The following CTNND2 variants were observed in gnomAD, a reference collection of about 807,000 sequenced individuals.
The protein encoded by CTNND2 is catenin delta 2.
Under a neutral mutation model 144.4 loss-of-function variants are expected in CTNND2, and 22 were observed. The observed-to-expected ratio is 0.15, with a 90% CI of 0.11 to 0.22. CTNND2 has a LOEUF of 0.22. Ranked by LOEUF, CTNND2 falls within the 10% of genes least tolerant of loss-of-function variation. CTNND2 has a pLI of 1.00. For synonymous variants in CTNND2, 751 were observed against 695.6 expected, an observed-to-expected ratio of 1.08 and a Z score of -1.25; for missense variants, 1,353 against 1,618.8, an observed-to-expected ratio of 0.84 and a Z score of 2.82.
At chr5:11,816,368 T>C (rs1792655860) in intron 1 of CTNND2, among the ~76,000 whole-genome samples, 1 of 151,768 alleles carries the variant, frequency 6.6e-6, no homozygotes, top group South Asian at 2.1e-4. Flanking sequence ...AAACCAGATG[T>C]GGTTGGGAGA....
At chr5:11,817,577 C>T (rs1004273585) in intron 1 of CTNND2, among the ~76,000 whole-genome samples, 4 of 151,646 alleles carry the variant, frequency 2.6e-5, no homozygotes, top group Middle Eastern at 3.4e-3. Context: ...AGGGGGGAAG[C>T]GGAGGGGACA....
intron 3 of CTNND2, among the ~76,000 whole-genome samples, chr5:11,542,760 T>C (rs1774871304): frequency 6.6e-6 from 1 of 152,358 alleles, no homozygotes; most frequent in Middle Eastern, 3.4e-3. Context: ...CAAAGCCTTA[T>C]GCCACTTCTT....
chr5:11,516,634 T>C (rs1772186113), intron 3 of CTNND2, among the ~76,000 whole-genome samples: 1 of 152,100 alleles, frequency 6.6e-6, no homozygotes, highest in Non-Finnish European at 1.5e-5. Context: ...GTGCAAAATG[T>C]ATATCATGAA....
At chr5:11,299,881 A>C (rs1580836532) in intron 9 of CTNND2, among the ~76,000 whole-genome samples, 1 of 152,210 alleles carries the variant, frequency 6.6e-6, no homozygotes, top group African/African-American at 2.4e-5. Flanking sequence ...GATCTGGCAA[A>C]GGCAGGTAGC....
intron 1 of CTNND2, among the ~76,000 whole-genome samples, chr5:11,852,727 T>G (rs746695052): frequency 6.6e-6 from 1 of 152,322 alleles, no homozygotes; most frequent in East Asian, 1.9e-4. Context: ...GAAACAGAAG[T>G]AAGCAGAGAA....
At chr5:11,460,032 T>C (rs1331900681) in intron 3 of CTNND2, among the ~76,000 whole-genome samples, 2 of 152,220 alleles carry the variant, frequency 1.3e-5, no homozygotes, top group East Asian at 3.8e-4. Context: ...AATATTTGCC[T>C]ATCATGTTGA....
At chr5:11,478,017 C>G (rs549821653) in intron 3 of CTNND2, among the ~76,000 whole-genome samples, 2 of 152,302 alleles carry the variant, frequency 1.3e-5, no homozygotes, top group South Asian at 2.1e-4. Context: ...CAAATTCACT[C>G]AGCCAAAAAC....
intron 18 of CTNND2, 143 bp from the exon 19 acceptor site, chr5:10,992,820 G>A: frequency 1.7e-6 from 2 of 1,148,900 alleles, no homozygotes; most frequent in Non-Finnish European, 2.5e-6. Context: ...GCGCTCTCAT[G>A]GAGGTGAACA....
intron 1 of CTNND2, among the ~76,000 whole-genome samples, chr5:11,797,152 A>G (rs1357586162): frequency 6.6e-6 from 1 of 152,212 alleles, no homozygotes; most frequent in Non-Finnish European, 1.5e-5. Context: ...TTTTTCCTAA[A>G]TGAGATCTCC....
intron 2 of CTNND2, among the ~76,000 whole-genome samples, chr5:11,586,375 G>C (rs1180238336): frequency 6.6e-6 from 1 of 152,008 alleles, no homozygotes; most frequent in Non-Finnish European, 1.5e-5. Context: ...TTTTATATGT[G>C]GCAATTCAAT....
At chr5:11,660,979 A>C (rs1431509509) in intron 2 of CTNND2, among the ~76,000 whole-genome samples, 1 of 152,160 alleles carries the variant, frequency 6.6e-6, no homozygotes, top group Non-Finnish European at 1.5e-5. Flanking sequence ...AAACATGGCT[A>C]CTCAGTTGCT....
chr5:11,304,794 T>C (rs1561186736), intron 9 of CTNND2, among the ~76,000 whole-genome samples: 2 of 152,196 alleles, frequency 1.3e-5, no homozygotes, highest in Admixed American at 6.5e-5. Flanking sequence ...TCAGCTTCTT[T>C]TCCTCCTTTT....
chr5:10,983,477 C>T (rs1737554352), intron 20 of CTNND2, among the ~76,000 whole-genome samples: 1 of 152,112 alleles, frequency 6.6e-6, no homozygotes, highest in African/African-American at 2.4e-5. Context: ...TCACTCCACC[C>T]ATGATTTTTT....
intron 2 of CTNND2, among the ~76,000 whole-genome samples, chr5:11,624,506 T>A (rs1372812654): frequency 1.3e-5 from 2 of 152,110 alleles, no homozygotes; most frequent in African/African-American, 4.8e-5. Context: ...TGGACAATGA[T>A]CAGTCAAAAT....
rs905904824 is a variant in CTNND2, at chr5:11,723,948, C to T, written c.174+8188G>A. 4.0e-5 allele frequency among the ~76,000 whole-genome samples: 6 copies of T among 151,732 alleles called. No individual in the cohort carries two copies. In the South Asian group the frequency reaches 6.3e-4, roughly 16 times the overall value. Reference sequence around the variant, plus strand: ...GCGGGCACCTGTAGTCCCAGCTGCTCGGGAGCTGTGGCAGAAGAATGGTGT... The same window carrying T: ...GCGGGCACCTGTAGTCCCAGCTGCTTGGGAGCTGTGGCAGAAGAATGGTGT... On this transcript the variant is annotated intron_variant, in intron 2 of 21. Coordinates refer to ENST00000304623, the MANE Select transcript of CTNND2 (RefSeq NM_001332.4).
chr5:11,041,838 T>A (rs1047041899), intron 16 of CTNND2, among the ~76,000 whole-genome samples: 1 of 152,222 alleles, frequency 6.6e-6, no homozygotes, highest in African/African-American at 2.4e-5. Context: ...AGGTGCTATG[T>A]TATAAATAGG....
At chr5:11,554,302 A>G (rs549844819) in intron 3 of CTNND2, among the ~76,000 whole-genome samples, 21 of 152,194 alleles carry the variant, frequency 1.4e-4, no homozygotes, top group African/African-American at 4.8e-4. Context: ...AAAGAAGCAG[A>G]ATATCAGTTC....
intron 2 of CTNND2, among the ~76,000 whole-genome samples, chr5:11,638,834 A>G (rs1250526630): frequency 6.6e-6 from 1 of 152,108 alleles, no homozygotes; most frequent in Non-Finnish European, 1.5e-5. Context: ...TCAGCCCCGC[A>G]AAGTGCTAGG....
intron 2 of CTNND2, among the ~76,000 whole-genome samples, chr5:11,578,316 A>G (rs1778121808): frequency 6.6e-6 from 1 of 152,174 alleles, no homozygotes; most frequent in African/African-American, 2.4e-5. Context: ...TTTTATCTTC[A>G]CAATGACCCA....
Sources: gnomAD v4.1 joint callset for allele counts (sites outside exome capture counted in the v4.1 genomes callset) on GRCh38, gnomAD v4.1.1 for gene constraint, MANE v1.5 for transcripts, NCBI Gene and HGNC (gene_info 2026-07-23, HGNC 2026-07-21) for gene names.